Variants in EXOC6 observed in about 807,000 individuals in gnomAD.
EXOC6 encodes exocyst complex component 6, also known as SEC15-like 1.
A neutral mutation model predicts 112.5 loss-of-function variants in EXOC6; 60 were observed. That is an observed-to-expected ratio of 0.53 (90% CI 0.43 to 0.66). The LOEUF is 0.66. EXOC6 is among the 30% of genes least tolerant of loss of function. The pLI is 0.00. For missense variants in EXOC6, 855 were observed against 957.1 expected (o/e 0.89, Z 1.41); for synonymous variants, 295 against 308.0 (o/e 0.96, Z 0.44).
chr10:92,841,438 A>T (rs1309043027), intron 1 of EXOC6, among the ~76,000 whole-genome samples: 1 of 152,218 alleles, frequency 6.6e-6, no homozygotes, highest in Non-Finnish European at 1.5e-5. Flanking sequence ...TACTAATGCA[A>T]TATCATGACC....
At chr10:93,030,159 C>T (rs1367477110) in intron 20 of EXOC6, among the ~76,000 whole-genome samples, 3 of 152,148 alleles carry the variant, frequency 2.0e-5, no homozygotes, top group East Asian at 3.9e-4. Context: ...CTGCCTGCCT[C>T]GACCTCCCAA....
intron 20 of EXOC6, among the ~76,000 whole-genome samples, chr10:93,034,640 C>G (rs574958754): frequency 6.6e-6 from 1 of 152,194 alleles, no homozygotes; most frequent in African/African-American, 2.4e-5. Context: ...CAGGACTTTA[C>G]TTTGAAATTT....
chr10:92,920,059 G>A lies in EXOC6; in HGVS notation c.888+9G>A, dbSNP rs1045357077. 6.4e-7 allele frequency: 1 copy of A among 1,555,082 alleles called. No individual in the cohort carries two copies. Among genetic ancestry groups the A allele is most frequent in the Non-Finnish European group, 8.8e-7 (1 of 1,137,300 alleles). On this transcript the variant is annotated intron_variant, in intron 8 of 21. Coordinates refer to ENST00000260762, the MANE Select transcript of EXOC6 (RefSeq NM_019053.6). The stretch of plus-strand genomic sequence containing the variant: ...ACATTTATTCTGTTTTGGTAAGTAT[G>A]TTTTATATTTATGTATATATAGCTT...
Position 92,893,375 on chromosome 10 carries a change from C to T in EXOC6, c.128C>T (p.Ala43Val), listed in dbSNP as rs751673313. The T allele has an allele frequency of 5.6e-6, 9 of 1,610,752 alleles. No individual in the cohort carries two copies. The highest frequency in any genetic ancestry group is 1.3e-5 in the African/African-American group (1 of 74,868). The change falls in exon 2 of 22, where the codon GCG becomes GTG. Residue 43 changes from alanine to valine, a missense_variant. Around this residue, in one of 2 missense-constraint regions of EXOC6, gnomAD observed 405 missense variants for 393.6 expected, o/e 1.03. Transcript: ENST00000260762. ...TCTGTGTATGATGACCAACCAAATG[C>T]GCACAAGAAGTTTATGGAAAAGTTA... ...LRSVYDDQPN[A>V]HKKFMEKLDA...
At chr10:92,834,656 G>T, upstream of EXOC6, 1 of 1,031,280 alleles carries the variant, frequency 9.7e-7, no homozygotes, top group Non-Finnish European at 1.4e-6. Flanking sequence ...TAAGGAAAAC[G>T]GTATTTTTTT....
At chr10:92,885,043 C>A (rs1849145005) in intron 1 of EXOC6, among the ~76,000 whole-genome samples, 3 of 152,074 alleles carry the variant, frequency 2.0e-5, no homozygotes, top group Admixed American at 2.0e-4. Flanking sequence ...AATGTCTTAT[C>A]TTTCTTTTTG....
intron 19 of EXOC6, 121 bp downstream of exon 19, chr10:92,997,736 T>C (rs1843558800): frequency 2.6e-6 from 2 of 772,100 alleles, no homozygotes; most frequent in Admixed American, 3.7e-5. Context: ...AGCTAAACTT[T>C]TAGCAGCCTT....
At chr10:92,990,567 A>G (rs1201340760) in intron 18 of EXOC6, among the ~76,000 whole-genome samples, 1 of 152,184 alleles carries the variant, frequency 6.6e-6, no homozygotes, top group Admixed American at 6.5e-5. Context: ...ATGTTAACTA[A>G]CAGAAGAAAG....
intron 4 of EXOC6, among the ~76,000 whole-genome samples, chr10:92,897,042 T>C (rs1276991024): frequency 1.3e-5 from 2 of 152,176 alleles, no homozygotes; most frequent in Non-Finnish European, 2.9e-5. Flanking sequence ...AATACCTCTT[T>C]GCCACCGTCA....
intron 12 of EXOC6, among the ~76,000 whole-genome samples, chr10:92,940,241 C>T (rs1476127212): frequency 3.3e-5 from 5 of 151,914 alleles, no homozygotes; most frequent in East Asian, 3.8e-4. Context: ...AGTTTGGAGT[C>T]GGAAAGAATA....
chr10:92,847,322 C>G (rs1847085526), upstream of EXOC6, among the ~76,000 whole-genome samples: 1 of 152,228 alleles, frequency 6.6e-6, no homozygotes, highest in African/African-American at 2.4e-5. Flanking sequence ...CCCAATGTCA[C>G]ACAGCTGTCA....
intron 20 of EXOC6, among the ~76,000 whole-genome samples, chr10:93,014,652 A>G (rs1226263254): frequency 6.6e-6 from 1 of 152,222 alleles, no homozygotes; most frequent in Non-Finnish European, 1.5e-5. Flanking sequence ...GTAAATTATT[A>G]CAACCTAGAA....
In EXOC6 at chr10:92,848,650, C is replaced by T; in HGVS notation, c.101+16C>T. On this transcript the variant is annotated intron_variant, in intron 1 of 21. Transcript: ENST00000260762. Reference sequence around the variant, plus strand: ...CCACCCTCCGGTAAAGATCTCATCCCACCGGGACTTCGGCCCCCCGCCCCA... The same window carrying T: ...CCACCCTCCGGTAAAGATCTCATCCTACCGGGACTTCGGCCCCCCGCCCCA... 1 of 1,360,762 alleles carries T rather than the reference C, an allele frequency of 7.3e-7. No homozygotes were observed. Among genetic ancestry groups the T allele is most frequent in the Non-Finnish European group, 9.7e-7 (1 of 1,034,652 alleles). The allele number at this position is 1,360,762 out of a possible 1,614,324, so 84.3% of individuals were successfully genotyped here. A position where few individuals can be genotyped will look rare whatever the true frequency, so the allele number is the denominator to read the frequency against.
chr10:92,925,370 C>G (rs575093242), intron 8 of EXOC6, among the ~76,000 whole-genome samples: 1 of 152,028 alleles, frequency 6.6e-6, no homozygotes, highest in Non-Finnish European at 1.5e-5. Flanking sequence ...TCTTGGCTCA[C>G]TGCAACCTCT....
At chr10:92,907,995 A>C (rs931203724) in intron 5 of EXOC6, among the ~76,000 whole-genome samples, 5 of 150,086 alleles carry the variant, frequency 3.3e-5, no homozygotes, top group Non-Finnish European at 7.4e-5. Flanking sequence ...ATATACTCTT[A>C]TCTTTGAGAG....
chr10:92,981,577 C>T (rs1842826781), intron 18 of EXOC6, among the ~76,000 whole-genome samples: 1 of 152,112 alleles, frequency 6.6e-6, no homozygotes, highest in Admixed American at 6.5e-5. Context: ...ATGGAATGAT[C>T]AATTTGTTCA....
chr10:92,982,530 A>G (rs997457826), intron 18 of EXOC6, among the ~76,000 whole-genome samples: 12 of 145,664 alleles, frequency 8.2e-5, no homozygotes, highest in Non-Finnish European at 1.5e-5. Flanking sequence ...TCATTGTTAC[A>G]TATTTACTAG....
chr10:93,021,743 A>T (rs2134260376), intron 20 of EXOC6, among the ~76,000 whole-genome samples: 1 of 152,382 alleles, frequency 6.6e-6, no homozygotes, highest in African/African-American at 2.4e-5. Flanking sequence ...GCAAGGACGT[A>T]AACATATTCT....
intron 6 of EXOC6, among the ~76,000 whole-genome samples, chr10:92,915,262 C>T (rs1304991646): frequency 6.6e-6 from 1 of 152,090 alleles, no homozygotes; most frequent in African/African-American, 2.4e-5. Context: ...GGAAGAGAAG[C>T]TGGGTGCGGT....
Sources: gnomAD v4.1 joint callset for allele counts (sites outside exome capture counted in the v4.1 genomes callset) on GRCh38, gnomAD v4.1.1 for gene constraint, gnomAD v4.1.1 regional missense constraint, MANE v1.5 for transcripts, NCBI Gene and HGNC (gene_info 2026-07-23, HGNC 2026-07-21) for gene names.